Variants in ASTN2 observed in about 807,000 individuals in gnomAD.
ASTN2 encodes the protein astrotactin 2.
ASTN2 carries 54 observed loss-of-function variants against 139.8 expected under a neutral mutation model. The observed-to-expected ratio is 0.39, with a 90% confidence interval of 0.31 to 0.48. The LOEUF is 0.48. Among genes scored for constraint, ASTN2 ranks in the 20% least tolerant of loss-of-function variants. ASTN2 has a pLI of 0.95. For missense variants in ASTN2, 1,565 were observed against 1,725.1 expected (o/e 0.91, Z 1.64); for synonymous variants, 756 against 719.5 (o/e 1.05, Z -0.81).
intron 19 of ASTN2, among the ~76,000 whole-genome samples, chr9:116,571,246 C>T (rs1432847159): frequency 1.3e-5 from 2 of 152,174 alleles, no homozygotes; most frequent in Non-Finnish European, 2.9e-5. Flanking sequence ...TGTGGTTTCC[C>T]CAAGGGAGCC....
At chr9:117,105,656 C>A (rs558669320) in intron 4 of ASTN2, among the ~76,000 whole-genome samples, 1 of 151,958 alleles carries the variant, frequency 6.6e-6, no homozygotes, top group Admixed American at 6.6e-5. Context: ...GAACACTCCC[C>A]TTTTCCAGTC....
At chr9:117,294,244 A>G (rs1409044496) in intron 1 of ASTN2, among the ~76,000 whole-genome samples, 3 of 152,278 alleles carry the variant, frequency 2.0e-5, no homozygotes, top group Non-Finnish European at 4.4e-5. Context: ...AAATTAGCCC[A>G]TGAACCAAAA....
At chr9:116,764,421 C>A (rs780966787) in intron 13 of ASTN2, among the ~76,000 whole-genome samples, 18 of 152,156 alleles carry the variant, frequency 1.2e-4, no homozygotes, top group Non-Finnish European at 1.9e-4. Context: ...GCCTGTAGGG[C>A]AGCTGAACTT....
At chr9:116,997,672 T>C (rs1027324814) in intron 7 of ASTN2, among the ~76,000 whole-genome samples, 1 of 152,214 alleles carries the variant, frequency 6.6e-6, no homozygotes, top group Non-Finnish European at 1.5e-5. Context: ...ACTTAGTAAA[T>C]ATATGAACTT....
At chr9:116,616,035 A>G (rs2131815799) in intron 19 of ASTN2, among the ~76,000 whole-genome samples, 1 of 152,336 alleles carries the variant, frequency 6.6e-6, no homozygotes, top group South Asian at 2.1e-4. Context: ...TCTGTTCAAT[A>G]TAGTACTAAA....
At chr9:117,225,580 TGAACCCA>T (rs1832688776) in intron 2 of ASTN2, among the ~76,000 whole-genome samples, 1 of 120,382 alleles carries the variant, frequency 8.3e-6, no homozygotes, top group African/African-American at 2.9e-5. Context: ...TATATACAGA[TGAACCCA>T]AGTGGCCAGA....
chr9:117,068,423 A>G (rs1329185467), intron 5 of ASTN2, among the ~76,000 whole-genome samples: 2 of 85,552 alleles, frequency 2.3e-5, no homozygotes, highest in African/African-American at 9.5e-5. Flanking sequence ...TATTTTATTG[A>G]GGATTTTTGC....
intron 11 of ASTN2, among the ~76,000 whole-genome samples, chr9:116,839,881 A>ATTATTATTT (rs55634992): frequency 1.6e-4 from 21 of 127,970 alleles, no homozygotes; most frequent in Non-Finnish European, 2.7e-4. Flanking sequence ...TATTATTATT[A>ATTATTATTT]TTTTTTTTTT....
At position 117,198,508 on chromosome 9, in the gene ASTN2, C is replaced by T. The variant is rs111782232; in HGVS notation, c.1015+15850G>A. On this transcript the variant is annotated intron_variant, in intron 3 of 22. Coordinates refer to ENST00000313400, the MANE Select transcript of ASTN2 (RefSeq NM_001365068.1). Reference sequence around the variant, plus strand: ...ATATGTGCCATGGTGGTTTGCTGCACCCATTACCACATTTTCTTTATCCAG... The same window carrying T: ...ATATGTGCCATGGTGGTTTGCTGCATCCATTACCACATTTTCTTTATCCAG... Among the ~76,000 whole-genome samples, 37 of 152,210 alleles carry T rather than the reference C, an allele frequency of 2.4e-4. 2 individuals are homozygous for T. The highest frequency in any genetic ancestry group is 8.9e-4 in the African/African-American group (37 of 41,538).
intron 3 of ASTN2, among the ~76,000 whole-genome samples, chr9:117,165,678 T>C (rs891935371): frequency 5.3e-5 from 8 of 152,090 alleles, no homozygotes; most frequent in African/African-American, 1.2e-4. Flanking sequence ...CAGCACACTA[T>C]AGATATTTAA....
rs1454496933 is a variant in ASTN2, at chr9:116,423,381, A to G, written c.*2470T>C. 6.6e-6 allele frequency among the ~76,000 whole-genome samples: 1 copy of G among 152,208 alleles called. No homozygotes were observed. The highest frequency in any genetic ancestry group is 1.5e-5 in the Non-Finnish European group (1 of 68,044). ...ATGTCAAGTTACTCCCTTAAGGGCA[A>G]TAGCTGGTGAATAGCAGTGTTGTCA... On this transcript the variant is annotated 3_prime_UTR_variant, in exon 23 of 23. Coordinates refer to ENST00000313400, the MANE Select transcript of ASTN2 (RefSeq NM_001365068.1).
chr9:116,703,358 C>A (rs1827900739), intron 16 of ASTN2, among the ~76,000 whole-genome samples: 2 of 150,234 alleles, frequency 1.3e-5, no homozygotes, highest in African/African-American at 4.9e-5. Context: ...TGTTTGAGTT[C>A]ATTGCAGATT....
chr9:117,080,289 C>A (rs763258019), intron 5 of ASTN2, among the ~76,000 whole-genome samples: 2 of 152,172 alleles, frequency 1.3e-5, no homozygotes, highest in Admixed American at 6.5e-5. Flanking sequence ...AAAACTCATG[C>A]TTCATTCACA....
intron 4 of ASTN2, among the ~76,000 whole-genome samples, chr9:117,103,756 T>A (rs1478883513): frequency 6.6e-6 from 1 of 152,116 alleles, no homozygotes; most frequent in Non-Finnish European, 1.5e-5. Flanking sequence ...GATAAAGAAA[T>A]ATGTGGTTCA....
At chr9:117,092,443 G>A (rs1828729860) in intron 5 of ASTN2, among the ~76,000 whole-genome samples, 1 of 152,112 alleles carries the variant, frequency 6.6e-6, no homozygotes, top group Non-Finnish European at 1.5e-5. Context: ...TGGTGGCAAA[G>A]CCAGGACTGA....
At position 116,699,943 on chromosome 9, in the gene ASTN2, A is replaced by T; in HGVS notation, c.2806+25828T>A. ...CCCAAATAGGACACACGATGGTGTT[A>T]GCTGAAGTTTGATTAGCAATTAGGC... On this transcript the variant is annotated intron_variant, in intron 16 of 22. Transcript: ENST00000313400. This position sits in a 1 kb window ranked among gnomAD's most constrained non-coding sequence, Gnocchi z 4.2. 1 of 615,390 alleles carries T rather than the reference A, an allele frequency of 1.6e-6. No individual in the cohort carries two copies. Among genetic ancestry groups the T allele is most frequent in the Admixed American group, 3.1e-5 (1 of 32,484 alleles). 38.1% of individuals were successfully genotyped at this position (615,390 alleles called of 1,614,324 possible).
chr9:116,844,155 CCTGGGATTG>C (rs2132310752), intron 11 of ASTN2, among the ~76,000 whole-genome samples: 1 of 152,256 alleles, frequency 6.6e-6, no homozygotes, highest in African/African-American at 2.4e-5. Context: ...ATAACCGCCT[CCTGGGATTG>C]CTGGGAACAT....
At chr9:116,570,406 T>G (rs865883328) in intron 19 of ASTN2, among the ~76,000 whole-genome samples, 21 of 151,088 alleles carry the variant, frequency 1.4e-4, no homozygotes, top group Middle Eastern at 3.4e-3. Flanking sequence ...TTTTTTTTTT[T>G]GAGACAGAAT....
chr9:116,595,950 T>C (rs571456742), intron 19 of ASTN2, among the ~76,000 whole-genome samples: 1 of 152,090 alleles, frequency 6.6e-6, no homozygotes, highest in African/African-American at 2.4e-5. Context: ...ATAATTGAAA[T>C]CAGGATCTTG....
Sources: allele counts gnomAD v4.1 joint callset (sites outside exome capture counted in the v4.1 genomes callset), GRCh38; gene constraint gnomAD v4.1.1; non-coding constraint Gnocchi (gnomAD v3.1); transcripts MANE v1.5; gene names NCBI Gene and HGNC (gene_info 2026-07-23, HGNC 2026-07-21).